The following UCHL5 variants were observed in gnomAD, a reference collection of about 807,000 sequenced individuals.
UCHL5 encodes the protein ubiquitin C-terminal hydrolase L5, also known as ubiquitin carboxyl-terminal hydrolase isozyme L5.
UCHL5 carries 34 observed loss-of-function variants against 53.8 expected under a neutral mutation model. That is an observed-to-expected ratio of 0.63 (90% CI 0.48 to 0.84). The LOEUF (loss-of-function observed/expected upper bound fraction) is 0.84. Among genes scored for constraint, UCHL5 ranks in the 40% least tolerant of loss-of-function variants. The pLI is 0.00. For missense variants in UCHL5, 290 were observed against 385.6 expected (o/e 0.75, Z 2.08); for synonymous variants, 111 against 126.3 (o/e 0.88, Z 0.81).
chr1:193,036,709 T>C (rs1663633266), intron 3 of UCHL5, among the ~76,000 whole-genome samples: 1 of 152,070 alleles, frequency 6.6e-6, no homozygotes, highest in South Asian at 2.1e-4. Context: ...CATATGGATA[T>C]CCAGCATACA....
rs1654370219 is a variant in UCHL5, at chr1:193,012,930, T to C, written c.*3421A>G. 6.6e-6 allele frequency: 1 copy of C among 152,172 alleles called. No homozygotes were observed. The highest frequency in any genetic ancestry group is 1.5e-5 in the Non-Finnish European group (1 of 68,030). The allele number at this position is 152,172 out of a possible 1,614,324, so 9.4% of individuals were successfully genotyped here. A position where few individuals can be genotyped will look rare whatever the true frequency, so the allele number is the denominator to read the frequency against. ...CAGTATGCTAGAAGTGGTGAATCTTTACCATGTCAGTCATTGGATTTAGGC... is the reference window on the plus strand; with the variant it reads ...CAGTATGCTAGAAGTGGTGAATCTTCACCATGTCAGTCATTGGATTTAGGC... On this transcript the variant is annotated 3_prime_UTR_variant, in exon 11 of 11. Coordinates refer to ENST00000367454, the MANE Select transcript of UCHL5 (RefSeq NM_001199261.3).
At chr1:193,020,186 T>C (rs1367671688) in intron 10 of UCHL5, 1 of 1,369,232 alleles carries the variant, frequency 7.3e-7, no homozygotes, top group Admixed American at 3.2e-5. Flanking sequence ...AATAAGGTAA[T>C]ATACACAAAA....
chr1:193,034,510 C>A (rs969298319), intron 3 of UCHL5, among the ~76,000 whole-genome samples: 2 of 151,978 alleles, frequency 1.3e-5, no homozygotes, highest in African/African-American at 4.8e-5. Flanking sequence ...GTCAATTCTA[C>A]AAAAATTTGA....
At chr1:193,022,432 G>A (rs1657403415) in intron 9 of UCHL5, among the ~76,000 whole-genome samples, 1 of 152,010 alleles carries the variant, frequency 6.6e-6, no homozygotes, top group South Asian at 2.1e-4. Flanking sequence ...GGCTGAGACG[G>A]GCAGATCACT....
intron 6 of UCHL5, 81 bp from the exon 7 acceptor site, chr1:193,028,229 A>T (rs1356668485): frequency 1.7e-6 from 2 of 1,210,306 alleles, no homozygotes; most frequent in African/African-American, 3.2e-5. Context: ...GGCCCAAAAT[A>T]TTTTTTTACA....
intron 10 of UCHL5, among the ~76,000 whole-genome samples, chr1:193,020,733 C>T (rs1410533846): frequency 6.6e-6 from 1 of 151,708 alleles, no homozygotes; most frequent in Admixed American, 6.6e-5. Context: ...GTCCATTCTA[C>T]TTTTAAATTC....
intron 10 of UCHL5, among the ~76,000 whole-genome samples, chr1:193,018,246 T>C (rs1222500285): frequency 6.6e-6 from 1 of 151,566 alleles, no homozygotes; most frequent in Admixed American, 6.6e-5. Context: ...TGAAGTTGTT[T>C]GGATTTCCCC....
intron 3 of UCHL5, among the ~76,000 whole-genome samples, chr1:193,030,240 G>A (rs1660883140): frequency 1.3e-5 from 2 of 151,968 alleles, no homozygotes; most frequent in South Asian, 4.1e-4. Context: ...CTAGCCAAAG[G>A]AAAAAACATT....
chr1:193,049,697 T>C, intron 3 of UCHL5, 49 bp downstream of exon 3: 1 of 1,463,278 alleles, frequency 6.8e-7, no homozygotes, highest in Non-Finnish European at 9.3e-7. Flanking sequence ...GAGTCTTGTT[T>C]ATAAAAAGGG....
chr1:193,025,534 A>AC (rs1383185930), intron 7 of UCHL5, among the ~76,000 whole-genome samples: 5 of 152,104 alleles, frequency 3.3e-5, no homozygotes, highest in Non-Finnish European at 5.9e-5. Flanking sequence ...AGGCACTCCT[A>AC]CCCCTCTCAG....
intron 2 of UCHL5, among the ~76,000 whole-genome samples, chr1:193,051,476 TAAA>T (rs375074775): frequency 1.7e-5 from 2 of 119,720 alleles, no homozygotes; most frequent in Non-Finnish European, 1.7e-5. Context: ...GTGAATTTTG[TAAA>T]AAAAAAAAAA....
At chr1:193,057,157 C>A (rs976069018) in intron 1 of UCHL5, 1 of 152,244 alleles carries the variant, frequency 6.6e-6, no homozygotes, top group East Asian at 1.9e-4. Flanking sequence ...ATTTTCTTGT[C>A]CATCAAGCCT....
In UCHL5 at chr1:193,059,092, C is replaced by G; in HGVS notation, c.76+93G>C. 2 of 1,342,848 alleles carry G rather than the reference C, an allele frequency of 1.5e-6. No individual in the cohort carries two copies. Among genetic ancestry groups the G allele is most frequent in the Non-Finnish European group, 2.0e-6 (2 of 1,004,172 alleles). 83.2% of individuals were successfully genotyped at this position (1,342,848 alleles called of 1,614,324 possible). On this transcript the variant is annotated intron_variant, in intron 1 of 10. Transcript: ENST00000367454. The surrounding 1 kb of genome is among the most constrained non-coding windows in gnomAD (Gnocchi z 4.9). Reference sequence around the variant, plus strand: ...AGGTTCCTGAAGTCACCTCTCCAGACGCGGGGCGGCGGTGGCCGCAGGGAA... The same window carrying G: ...AGGTTCCTGAAGTCACCTCTCCAGAGGCGGGGCGGCGGTGGCCGCAGGGAA...
chr1:193,036,258 T>C (rs561330430), intron 3 of UCHL5, among the ~76,000 whole-genome samples: 6 of 104,496 alleles, frequency 5.7e-5, no homozygotes, highest in African/African-American at 2.3e-4. Flanking sequence ...ACCGCATCTA[T>C]AAAGATATAT....
intron 3 of UCHL5, among the ~76,000 whole-genome samples, chr1:193,046,827 T>C (rs1294015568): frequency 6.6e-6 from 1 of 151,158 alleles, no homozygotes; most frequent in Non-Finnish European, 1.5e-5. Context: ...AGTCAAACTT[T>C]CATTACTAAG....
intron 3 of UCHL5, among the ~76,000 whole-genome samples, chr1:193,045,458 T>G (rs1667043135): frequency 6.6e-6 from 1 of 152,166 alleles, no homozygotes; most frequent in Non-Finnish European, 1.5e-5. Context: ...CATTTAAAAA[T>G]GTGTGCCCCA....
chr1:193,034,489 T>A (rs1379194158), intron 3 of UCHL5, among the ~76,000 whole-genome samples: 1 of 152,068 alleles, frequency 6.6e-6, no homozygotes, highest in Non-Finnish European at 1.5e-5. Context: ...CAGGCCTACA[T>A]GGATATACAG....
At chr1:193,023,692 A>G (rs1658015542) in intron 8 of UCHL5, 152 bp downstream of exon 8, 2 of 610,890 alleles carry the variant, frequency 3.3e-6, no homozygotes, top group Non-Finnish European at 5.6e-6. Context: ...CACTAAGTGC[A>G]AAGCCAGGAA....
chr1:193,028,114 T>C lies in UCHL5; in HGVS notation c.600A>G (p.Val200=). 1 of 1,603,966 alleles carries C rather than the reference T, an allele frequency of 6.2e-7. No homozygotes were observed. Among genetic ancestry groups the C allele is most frequent in the Non-Finnish European group, 8.5e-7 (1 of 1,174,540 alleles). Residue 200 remains valine (V), a synonymous_variant, in exon 7 of 11, where the codon GTA becomes GTG. Coordinates refer to ENST00000367454, the MANE Select transcript of UCHL5 (RefSeq NM_001199261.3). ...GTATCCTTTTTTCTATGACAGGCCT[T>C]ACTGCACTGATCCAATCATCTTGAT... The part of the protein sequence containing the change: ...ACNQDDWISA[V]RPVIEKRIQK...
Sources: allele counts gnomAD v4.1 joint callset (sites outside exome capture counted in the v4.1 genomes callset), GRCh38; gene constraint gnomAD v4.1.1; non-coding constraint Gnocchi (gnomAD v3.1); transcripts MANE v1.5; gene names NCBI Gene and HGNC (gene_info 2026-07-23, HGNC 2026-07-21).